Variants in ACTN1 observed in about 807,000 individuals in gnomAD.
The protein encoded by ACTN1 is alpha-actinin-1.
A neutral mutation model predicts 119.6 loss-of-function variants in ACTN1; 30 were observed. The observed-to-expected ratio is 0.25, with a 90% CI of 0.19 to 0.34. ACTN1 has a LOEUF of 0.34. Ranked by LOEUF, ACTN1 falls within the 10% of genes least tolerant of loss-of-function variation. ACTN1 has a pLI of 1.00. For missense variants in ACTN1, 764 were observed against 1,223.4 expected, an observed-to-expected ratio of 0.62 and a Z score of 5.60; for synonymous variants, 429 against 472.6, an observed-to-expected ratio of 0.91 and a Z score of 1.20.
chr14:68,895,700 G>A (rs904631920), intron 8 of ACTN1, among the ~76,000 whole-genome samples: 1 of 152,230 alleles, frequency 6.6e-6, no homozygotes, highest in Non-Finnish European at 1.5e-5. Flanking sequence ...CATGGATAAA[G>A]CCACCTTCAC....
In ACTN1 at chr14:68,876,942, G is replaced by T; in HGVS notation, c.2586+140C>A. 3 of 976,150 alleles carry T rather than the reference G, an allele frequency of 3.1e-6. No homozygotes were observed. The South Asian group carries it at 5.1e-5, about 17-fold the overall frequency. 60.5% of individuals were successfully genotyped at this position (976,150 alleles called of 1,614,324 possible). ...GCCCAAGACATTACAGAAATGAGTA[G>T]AAGTGGCAAACAAGGAGAGGCCAAA... On this transcript the variant is annotated intron_variant, in intron 21 of 21. Transcript: ENST00000394419.
At position 68,893,793 on chromosome 14, in the gene ACTN1, AGG is replaced by A. The variant is rs2032685517; in HGVS notation, c.763-48_763-47del. 24 of 1,588,328 alleles carry A rather than the reference AGG, an allele frequency of 1.5e-5. No homozygotes were observed. In the East Asian group the frequency reaches 5.4e-4, roughly 35 times the overall value. Reference sequence around the variant, plus strand: ...GTCACGACCAGCCAGCCCCAGCAGCAGGGGCACCTGGTACACACCTGTGCTGA... The same window carrying A: ...GTCACGACCAGCCAGCCCCAGCAGCAGGCACCTGGTACACACCTGTGCTGA... On this transcript the variant is annotated intron_variant, in intron 8 of 21. Coordinates refer to ENST00000394419, the MANE Select transcript of ACTN1 (RefSeq NM_001130004.2).
chr14:68,910,167 T>C (rs1201680550), intron 4 of ACTN1, 125 bp from the exon 5 acceptor site: 9 of 687,616 alleles, frequency 1.3e-5, no homozygotes, highest in African/African-American at 5.4e-5. Flanking sequence ...GGAGGAGCCC[T>C]GGCCATCAAG....
At chr14:68,890,369 C>T (rs1333063954) in intron 10 of ACTN1, 83 bp from the exon 11 acceptor site, 3 of 1,495,744 alleles carry the variant, frequency 2.0e-6, no homozygotes, top group African/African-American at 1.4e-5. Context: ...CCTGAAGGTG[C>T]CCCATGCCTT....
intron 1 of ACTN1, chr14:68,978,560 G>A (rs1237366637): frequency 1.4e-5 from 4 of 286,154 alleles, no homozygotes; most frequent in African/African-American, 9.3e-5. Context: ...AGGGGCGGAA[G>A]AAAAGGGAAA....
At chr14:68,961,436 T>A (rs1006609192) in intron 1 of ACTN1, among the ~76,000 whole-genome samples, 4 of 152,196 alleles carry the variant, frequency 2.6e-5, no homozygotes, top group African/African-American at 7.2e-5. Flanking sequence ...AACTTATCTA[T>A]CTTCTCAAAT....
At chr14:68,954,559 C>T (rs1594868112) in intron 1 of ACTN1, among the ~76,000 whole-genome samples, 2 of 152,294 alleles carry the variant, frequency 1.3e-5, no homozygotes, top group East Asian at 3.9e-4. Context: ...AACTCCTGAC[C>T]TCATGATCCG....
intron 21 of ACTN1, 149 bp from the exon 22 acceptor site, chr14:68,875,166 A>G: frequency 6.6e-7 from 1 of 1,525,200 alleles, no homozygotes; most frequent in Non-Finnish European, 8.8e-7. Context: ...GTACGGACGT[A>G]AATATCCACA....
intron 1 of ACTN1, among the ~76,000 whole-genome samples, chr14:68,970,423 C>T (rs1027542744): frequency 2.0e-5 from 3 of 152,234 alleles, no homozygotes; most frequent in Non-Finnish European, 2.9e-5. Context: ...TCAAACGTTA[C>T]GGGTTTCACG....
chr14:68,874,787 C>A lies in ACTN1; in HGVS notation c.*72G>T. On this transcript the variant is annotated 3_prime_UTR_variant, in exon 22 of 22. Transcript: ENST00000394419. ...GCTGGGAGCTGAAACCGAACCCAGGCAGGAGATGGGCGACGGCGGAGGTGC... is the reference window on the plus strand; with the variant it reads ...GCTGGGAGCTGAAACCGAACCCAGGAAGGAGATGGGCGACGGCGGAGGTGC... 7.1e-7 allele frequency: 1 copy of A among 1,411,122 alleles called. No individual in the cohort carries two copies. The highest frequency in any genetic ancestry group is 9.3e-7 in the Non-Finnish European group (1 of 1,074,420). The allele number at this position is 1,411,122 out of a possible 1,614,324, so 87.4% of individuals were successfully genotyped here.
chr14:68,896,929 C>G (rs1011584846), intron 8 of ACTN1, among the ~76,000 whole-genome samples: 14 of 152,192 alleles, frequency 9.2e-5, no homozygotes, highest in Non-Finnish European at 1.5e-4. Flanking sequence ...AAGGAGAAGA[C>G]TACTAGAAAT....
At chr14:68,952,571 G>A (rs2036204469) in intron 1 of ACTN1, among the ~76,000 whole-genome samples, 2 of 152,236 alleles carry the variant, frequency 1.3e-5, no homozygotes, top group Admixed American at 1.3e-4. Context: ...GTGCCGCAAT[G>A]CCTAGTAGGG....
At chr14:68,913,623 A>G (rs1443319462) in intron 3 of ACTN1, among the ~76,000 whole-genome samples, 1 of 152,158 alleles carries the variant, frequency 6.6e-6, no homozygotes, top group Non-Finnish European at 1.5e-5. Flanking sequence ...TAGTCCATGG[A>G]GCAGTGCTTG....
chr14:68,883,591 G>GA lies in ACTN1; in HGVS notation c.1636-537dup, dbSNP rs1012515169. Among the ~76,000 whole-genome samples, 11 of 152,042 alleles carry GA rather than the reference G, an allele frequency of 7.2e-5. No individual in the cohort carries two copies. In the South Asian group the frequency reaches 1.2e-3, roughly 17 times the overall value. ...GTTCGAGACCAGCCTGAGCAACAAA[G>GA]AAAAAACCCCACTTCCACAAAAATA... On this transcript the variant is annotated intron_variant, in intron 14 of 21. Transcript: ENST00000394419.
At chr14:68,935,054 C>T (rs2035421878) in intron 1 of ACTN1, among the ~76,000 whole-genome samples, 1 of 151,932 alleles carries the variant, frequency 6.6e-6, no homozygotes, top group Non-Finnish European at 1.5e-5. Context: ...TGGAGTTTTG[C>T]TCTTGTTGCC....
In ACTN1 at chr14:68,924,331, T is replaced by A. The variant is rs2034805706; in HGVS notation, c.220+1227A>T. Among the ~76,000 whole-genome samples the A allele has an allele frequency of 2.6e-5, 4 of 152,116 alleles. No homozygotes were observed. In the South Asian group the frequency reaches 8.3e-4, roughly 32 times the overall value. On this transcript the variant is annotated intron_variant, in intron 2 of 21. Transcript: ENST00000394419. Reference sequence around the variant, plus strand: ...TATCTGAAAGTAGAAAAAACTACTTTTAAAAAAAAAGGGCAGTTAGAGCTT... The same window carrying A: ...TATCTGAAAGTAGAAAAAACTACTTATAAAAAAAAAGGGCAGTTAGAGCTT...
At chr14:68,961,365 TC>T (rs2036533293) in intron 1 of ACTN1, among the ~76,000 whole-genome samples, 1 of 152,194 alleles carries the variant, frequency 6.6e-6, no homozygotes, top group Non-Finnish European at 1.5e-5. Flanking sequence ...AAAATAGGTT[TC>T]TGAAAATATA....
intron 8 of ACTN1, among the ~76,000 whole-genome samples, chr14:68,899,001 CCT>C (rs1176290650): frequency 7.0e-6 from 1 of 143,370 alleles, no homozygotes; most frequent in Non-Finnish European, 1.5e-5. Flanking sequence ...CCACACACAC[CCT>C]ACACCTCACA....
At chr14:68,958,528 A>T (rs965832972) in intron 1 of ACTN1, among the ~76,000 whole-genome samples, 5 of 152,178 alleles carry the variant, frequency 3.3e-5, no homozygotes, top group African/African-American at 1.2e-4. Flanking sequence ...ATTAAAAAAA[A>T]AAACAGGTGG....
Sources: gnomAD v4.1 joint callset for allele counts (sites outside exome capture counted in the v4.1 genomes callset) on GRCh38, gnomAD v4.1.1 for gene constraint, MANE v1.5 for transcripts, NCBI Gene and HGNC (gene_info 2026-07-23, HGNC 2026-07-21) for gene names.